SLC35F4: variants seen among roughly 807,000 people sequenced by gnomAD.
SLC35F4 encodes solute carrier family 35 member F4.
In SLC35F4, 24 loss-of-function variants were observed where a neutral mutation model predicts 44.2. The ratio of observed to expected loss-of-function variants is 0.54; its 90% CI spans 0.39 to 0.76. The LOEUF (loss-of-function observed/expected upper bound fraction) is 0.76. Ranked by LOEUF, SLC35F4 falls within the 30% of genes least tolerant of loss-of-function variation. The pLI is 0.00. For synonymous variants in SLC35F4, 238 were observed against 223.6 expected (o/e 1.06, Z -0.57); for missense variants, 562 against 586.1 (o/e 0.96, Z 0.42).
chr14:57,760,621 G>C (rs994859503), intron 1 of SLC35F4, among the ~76,000 whole-genome samples: 9 of 152,130 alleles, frequency 5.9e-5, no homozygotes, highest in African/African-American at 1.9e-4. Context: ...CTTAAAAACA[G>C]TTTATCCTTA....
chr14:57,841,208 A>G (rs1320509512), intron 1 of SLC35F4, among the ~76,000 whole-genome samples: 1 of 152,160 alleles, frequency 6.6e-6, no homozygotes, highest in Non-Finnish European at 1.5e-5. Context: ...GCTAAGCAGG[A>G]GATCAAGGGA....
chr14:57,861,814 C>T (rs1036924997), intron 1 of SLC35F4, among the ~76,000 whole-genome samples: 11 of 152,130 alleles, frequency 7.2e-5, no homozygotes, highest in Admixed American at 2.6e-4. Context: ...TCTTGATCTC[C>T]TTTGATGGTT....
At chr14:57,713,793 A>G (rs1191652868) in intron 1 of SLC35F4, among the ~76,000 whole-genome samples, 1 of 152,170 alleles carries the variant, frequency 6.6e-6, no homozygotes, top group Non-Finnish European at 1.5e-5. Context: ...TTAAAAAATC[A>G]AATTAATGGA....
intron 4 of SLC35F4, among the ~76,000 whole-genome samples, chr14:57,576,505 G>A (rs370076291): frequency 6.6e-6 from 1 of 152,140 alleles, no homozygotes; most frequent in African/African-American, 2.4e-5. Context: ...GGTAAATTTA[G>A]ATACAGTTGA....
At position 57,617,223 on chromosome 14, in the gene SLC35F4, C is replaced by T. The variant is rs561544347; in HGVS notation, c.104-23099G>A. On this transcript the variant is annotated intron_variant, in intron 1 of 7. Coordinates refer to ENST00000556826, the MANE Select transcript of SLC35F4 (RefSeq NM_001306087.2). ...TCGGCTCACTGCAACCTCCACCTCC[C>T]GGGTTCATGCCATTCTCCTGCCTCA... Among the ~76,000 whole-genome samples the T allele has an allele frequency of 3.2e-3, 479 of 149,630 alleles. 1 individual carries two copies. Among genetic ancestry groups the T allele is most frequent in the Middle Eastern group, 0.014 (4 of 290 alleles).
At chr14:57,861,799 C>T (rs946243920) in intron 1 of SLC35F4, among the ~76,000 whole-genome samples, 2 of 152,168 alleles carry the variant, frequency 1.3e-5, no homozygotes, top group African/African-American at 4.8e-5. Flanking sequence ...TCCCTGGATG[C>T]TCCTTCTTGA....
intron 1 of SLC35F4, among the ~76,000 whole-genome samples, chr14:57,945,836 C>G (rs1890016227): frequency 6.6e-6 from 1 of 152,104 alleles, no homozygotes; most frequent in Admixed American, 6.5e-5. Flanking sequence ...AAGGTGGAAT[C>G]GCATTGTGGT....
At chr14:57,775,788 T>C (rs926318279) in intron 1 of SLC35F4, among the ~76,000 whole-genome samples, 1 of 152,256 alleles carries the variant, frequency 6.6e-6, no homozygotes, top group Non-Finnish European at 1.5e-5. Context: ...GCAAGGGTTC[T>C]TAACTGGGTT....
At chr14:57,937,574 GAGAAAAGAAAAGAAAGAAAAGAAAAGA>G (rs1889823106) in intron 1 of SLC35F4, among the ~76,000 whole-genome samples, 1 of 89,102 alleles carries the variant, frequency 1.1e-5, no homozygotes, top group South Asian at 3.6e-4. Context: ...GAAAAGAAAA[GAGAAAAGAAAAGAAAGAAAAGAAAAGA>G]AAAGAAAAGA....
intron 1 of SLC35F4, among the ~76,000 whole-genome samples, chr14:57,848,340 C>T (rs572716605): frequency 1.3e-4 from 20 of 152,194 alleles, no homozygotes; most frequent in Non-Finnish European, 2.4e-4. Flanking sequence ...AGACACCAGG[C>T]ATGGTTGAAG....
intron 1 of SLC35F4, among the ~76,000 whole-genome samples, chr14:57,658,043 C>T (rs2074023427): frequency 6.6e-6 from 1 of 152,066 alleles, no homozygotes; most frequent in Admixed American, 6.6e-5. Context: ...TAGTCAACAC[C>T]CAATAAGTAG....
intron 1 of SLC35F4, among the ~76,000 whole-genome samples, chr14:57,925,781 T>TA (rs1389067572): frequency 2.6e-5 from 4 of 151,848 alleles, no homozygotes; most frequent in Admixed American, 1.3e-4. Flanking sequence ...AAACAATACA[T>TA]AAAAAAACCC....
intron 1 of SLC35F4, among the ~76,000 whole-genome samples, chr14:57,705,620 C>A (rs527631862): frequency 6.6e-6 from 1 of 152,292 alleles, no homozygotes; most frequent in South Asian, 2.1e-4. Flanking sequence ...TCCATGACCC[C>A]AGCTTGCTCA....
chr14:57,791,561 C>T (rs529859433), intron 1 of SLC35F4, among the ~76,000 whole-genome samples: 9 of 152,202 alleles, frequency 5.9e-5, no homozygotes, highest in East Asian at 1.9e-4. Context: ...CCATTGTGGA[C>T]GACAGTGTGG....
At chr14:57,610,171 G>C (rs935618010) in intron 1 of SLC35F4, among the ~76,000 whole-genome samples, 1 of 152,116 alleles carries the variant, frequency 6.6e-6, no homozygotes, top group Admixed American at 6.5e-5. Flanking sequence ...CTACAAAGAG[G>C]GTGAAGACTA....
At chr14:57,770,374 T>C (rs1751774521) in intron 1 of SLC35F4, among the ~76,000 whole-genome samples, 1 of 152,230 alleles carries the variant, frequency 6.6e-6, no homozygotes, top group Non-Finnish European at 1.5e-5. Context: ...GTATGTATGT[T>C]GTAGGGGTCG....
intron 1 of SLC35F4, among the ~76,000 whole-genome samples, chr14:57,883,594 G>A (rs907729084): frequency 6.6e-6 from 1 of 152,156 alleles, no homozygotes; most frequent in Non-Finnish European, 1.5e-5. Flanking sequence ...ATAATCAAAT[G>A]TATAATTTAA....
At chr14:57,574,839 G>A (rs557528188) in intron 4 of SLC35F4, among the ~76,000 whole-genome samples, 5 of 148,526 alleles carry the variant, frequency 3.4e-5, no homozygotes, top group African/African-American at 7.4e-5. Context: ...TCCTAAGCAC[G>A]TATCAGTCAC....
At chr14:57,729,420 A>G (rs1428946926) in intron 1 of SLC35F4, among the ~76,000 whole-genome samples, 2 of 152,162 alleles carry the variant, frequency 1.3e-5, no homozygotes, top group African/African-American at 2.4e-5. Flanking sequence ...GCTGTTAGCT[A>G]TTCAGGAACC....
Sources: gnomAD v4.1 joint callset for allele counts (sites outside exome capture counted in the v4.1 genomes callset) on GRCh38, gnomAD v4.1.1 for gene constraint, MANE v1.5 for transcripts, NCBI Gene and HGNC (gene_info 2026-07-23, HGNC 2026-07-21) for gene names.